ABCC4: variants seen among roughly 807,000 people sequenced by gnomAD.
The protein encoded by ABCC4 is ATP-binding cassette sub-family C member 4.
Under a neutral mutation model 168.5 loss-of-function variants are expected in ABCC4, and 102 were observed. The ratio of observed to expected loss-of-function variants is 0.61; its 90% confidence interval spans 0.52 to 0.71. The LOEUF is 0.71. Among genes scored for constraint, ABCC4 ranks in the 30% least tolerant of loss-of-function variants. The probability of loss-of-function intolerance (pLI) is 0.00; values close to 1 mark genes in which losing one functional copy is unlikely to be tolerated. For missense variants in ABCC4, 1,402 were observed against 1,605.8 expected (o/e 0.87, Z 2.17); for synonymous variants, 617 against 590.7 (o/e 1.04, Z -0.65).
intron 25 of ABCC4, among the ~76,000 whole-genome samples, chr13:95,071,208 C>G (rs2033713157): frequency 6.6e-6 from 1 of 152,124 alleles, no homozygotes; most frequent in African/African-American, 2.4e-5. Context: ...CTGTAAATTG[C>G]CTAGTCTTGG....
At chr13:95,233,637 C>A (rs1206437238) in intron 4 of ABCC4, among the ~76,000 whole-genome samples, 1 of 151,702 alleles carries the variant, frequency 6.6e-6, no homozygotes, top group Non-Finnish European at 1.5e-5. Flanking sequence ...CACCTCTACC[C>A]CTGAATCTAA....
chr13:95,056,648 GA>G (rs1272119900), intron 26 of ABCC4, among the ~76,000 whole-genome samples: 8,675 of 63,280 alleles, frequency 0.14, 261 homozygotes, highest in African/African-American at 0.2. Flanking sequence ...TCAAAAAGAA[GA>G]AAAAAAAAAA....
chr13:95,230,233 A>G (rs1472349619), intron 4 of ABCC4, among the ~76,000 whole-genome samples: 3 of 152,248 alleles, frequency 2.0e-5, no homozygotes, highest in East Asian at 3.8e-4. Flanking sequence ...AGGAACCTGA[A>G]CAAACCACCA....
intron 19 of ABCC4, among the ~76,000 whole-genome samples, chr13:95,128,484 T>C (rs1421939204): frequency 6.6e-6 from 1 of 152,250 alleles, no homozygotes; most frequent in South Asian, 2.1e-4. Context: ...GCTGCTCCTA[T>C]GCACAGGGCG....
At chr13:95,257,438 C>T (rs535282449) in intron 1 of ABCC4, among the ~76,000 whole-genome samples, 2 of 152,146 alleles carry the variant, frequency 1.3e-5, no homozygotes, top group East Asian at 3.9e-4. Context: ...GAGGCCGAGG[C>T]GGGTGGATCA....
chr13:95,160,332 C>T (rs1441200314), intron 19 of ABCC4, among the ~76,000 whole-genome samples: 4 of 152,162 alleles, frequency 2.6e-5, no homozygotes, highest in Admixed American at 1.3e-4. Flanking sequence ...TTATCATTTG[C>T]ACAATGTCAC....
intron 19 of ABCC4, among the ~76,000 whole-genome samples, chr13:95,124,869 C>T (rs189341169): frequency 2.0e-5 from 3 of 150,466 alleles, no homozygotes; most frequent in East Asian, 1.9e-4. Flanking sequence ...CAGAGTGAGA[C>T]TTGATCTCAA....
At chr13:95,040,921 T>C (rs1383197969) in intron 29 of ABCC4, among the ~76,000 whole-genome samples, 1 of 152,202 alleles carries the variant, frequency 6.6e-6, no homozygotes, top group Non-Finnish European at 1.5e-5. Context: ...TCCCGAAGAA[T>C]TCTCTAACTG....
intron 29 of ABCC4, chr13:95,043,380 A>G (rs544319524): frequency 7.2e-6 from 2 of 278,824 alleles, no homozygotes; most frequent in South Asian, 1.0e-4. Flanking sequence ...GTGATCTTCT[A>G]TTGGATACTA....
Position 95,074,224 on chromosome 13 carries a change from A to C in ABCC4, c.2907T>G (p.Ile969Met). 6.2e-7 allele frequency: 1 copy of C among 1,612,470 alleles called. No homozygotes were observed. Residue 969 changes from isoleucine (I) to methionine (M), a missense_variant, in exon 23 of 31, where the codon ATT becomes ATG. By Grantham distance (10) the Ile-to-Met change is conservative. Transcript: ENST00000645237. The part of the protein sequence containing the change: ...FVIIVAFGSL[I>M]LAKTLDAGQV... Reference sequence around the variant, plus strand: ...CACATCTGTACTTACTTTTTGCCAGAATCAGGGACCCAAAGGCAACGATGA... The same window carrying C: ...CACATCTGTACTTACTTTTTGCCAGCATCAGGGACCCAAAGGCAACGATGA...
At chr13:95,071,519 G>T in intron 25 of ABCC4, 143 bp downstream of exon 25, 3 of 661,752 alleles carry the variant, frequency 4.5e-6, no homozygotes, top group Non-Finnish European at 6.7e-6. Context: ...GAAGAATGTT[G>T]GTATCCACAT....
At chr13:95,172,625 T>C (rs1213585954) in intron 13 of ABCC4, among the ~76,000 whole-genome samples, 2 of 146,912 alleles carry the variant, frequency 1.4e-5, no homozygotes, top group Non-Finnish European at 3.0e-5. Flanking sequence ...ATGTTGGAGG[T>C]GACACAAGTG....
At chr13:95,050,998 T>C (rs144086837) in intron 27 of ABCC4, among the ~76,000 whole-genome samples, 136 of 152,338 alleles carry the variant, frequency 8.9e-4, no homozygotes, top group African/African-American at 3.2e-3. Context: ...ATTAAACCTG[T>C]CCTGAGAGTT....
chr13:95,125,940 T>C (rs750522818), intron 19 of ABCC4, among the ~76,000 whole-genome samples: 11 of 152,102 alleles, frequency 7.2e-5, no homozygotes, highest in African/African-American at 2.4e-4. Context: ...CAGCAACAGG[T>C]AGAATCTCTA....
rs544559691 is a variant in ABCC4, at chr13:95,077,558, G to A, written c.2687-2007C>T. Reference sequence around the variant, plus strand: ...TCGTCACATTGCTCAGGCTGGTCTCGAACTCCTGGGCTCCAGCAATCAGGC... The same window carrying A: ...TCGTCACATTGCTCAGGCTGGTCTCAAACTCCTGGGCTCCAGCAATCAGGC... On this transcript the variant is annotated intron_variant, in intron 21 of 30. Transcript: ENST00000645237. 1.2e-3 allele frequency among the ~76,000 whole-genome samples: 178 copies of A among 151,978 alleles called. 2 individuals carry two copies. In the South Asian group the frequency reaches 0.034, roughly 29 times the overall value.
At position 95,293,559 on chromosome 13, in the gene ABCC4, C is replaced by T. The variant is rs182900643; in HGVS notation, c.74+7682G>A. On this transcript the variant is annotated intron_variant, in intron 1 of 30. Transcript: ENST00000645237. Reference sequence around the variant, plus strand: ...TTGGCTCACTGCAACTTCTGCCTCCCGGGTTCAAGCAATTCTCCTGCCTCA... The same window carrying T: ...TTGGCTCACTGCAACTTCTGCCTCCTGGGTTCAAGCAATTCTCCTGCCTCA... Among the ~76,000 whole-genome samples the T allele has an allele frequency of 1.1e-3, 155 of 145,562 alleles. 1 individual carries two copies. The highest frequency in any genetic ancestry group is 3.7e-3 in the African/African-American group (145 of 39,480).
At chr13:95,129,239 A>T (rs926876802) in intron 19 of ABCC4, among the ~76,000 whole-genome samples, 2 of 152,250 alleles carry the variant, frequency 1.3e-5, no homozygotes, top group Non-Finnish European at 1.5e-5. Context: ...AATTATTAAA[A>T]TATTATTTTA....
chr13:95,064,847 A>T (rs1331873468), intron 25 of ABCC4, among the ~76,000 whole-genome samples: 1 of 152,146 alleles, frequency 6.6e-6, no homozygotes, highest in East Asian at 1.9e-4. Flanking sequence ...ACAGTCTCCA[A>T]GTCTTTCATA....
intron 1 of ABCC4, chr13:95,269,434 AATAT>A (rs752369744): frequency 8.5e-4 from 101 of 119,026 alleles, no homozygotes; most frequent in Middle Eastern, 3.6e-3. Flanking sequence ...TCAAAAAAAA[AATAT>A]ATATATATAT....
Sources: gnomAD v4.1 joint callset for allele counts (sites outside exome capture counted in the v4.1 genomes callset) on GRCh38, gnomAD v4.1.1 for gene constraint, MANE v1.5 for transcripts, NCBI Gene and HGNC (gene_info 2026-07-23, HGNC 2026-07-21) for gene names.